CAST: variants seen among roughly 807,000 people sequenced by gnomAD.
The protein encoded by CAST is MIR583 host.
In CAST, 76 loss-of-function variants were observed where a neutral mutation model predicts 119.6. That is an observed-to-expected ratio of 0.64 (90% CI 0.53 to 0.77). CAST has a LOEUF of 0.77. CAST is among the 30% of genes least tolerant of loss of function. The pLI is 0.00. For synonymous variants in CAST, 319 were observed against 331.6 expected (o/e 0.96, Z 0.41); for missense variants, 953 against 946.5 (o/e 1.01, Z -0.09).
intron 1 of CAST, among the ~76,000 whole-genome samples, chr5:96,557,347 T>G (rs958832147): frequency 6.6e-6 from 1 of 151,858 alleles, no homozygotes; most frequent in African/African-American, 2.4e-5. Context: ...AGGACCAAAT[T>G]CACACATAAC....
Position 96,754,758 on chromosome 5 carries a change from CT to C in CAST, c.1710+22del. ...GAGGTCAAGGTAAACAGGCTGGAGT[CT>C]TTTTCTATTTTATTTTAATTCATAC... On this transcript the variant is annotated intron_variant, in intron 22 of 31. Transcript: ENST00000675179. 1 of 1,427,556 alleles carries C rather than the reference CT, an allele frequency of 7.0e-7. No homozygotes were observed. Among genetic ancestry groups the C allele is most frequent in the Non-Finnish European group, 9.8e-7 (1 of 1,015,466 alleles). The allele number at this position is 1,427,556 out of a possible 1,614,324, so 88.4% of individuals were successfully genotyped here. A position where few individuals can be genotyped will look rare whatever the true frequency, so the allele number is the denominator to read the frequency against.
the CAST span, among the ~76,000 whole-genome samples, chr5:96,159,768 T>C: frequency 3.9e-5 from 6 of 152,208 alleles, no homozygotes; most frequent in Non-Finnish European, 8.8e-5. Flanking sequence ...TATTTTTTGC[T>C]TTTTGAATGG....
At chr5:96,759,939 A>G (rs1415345563) in intron 24 of CAST, among the ~76,000 whole-genome samples, 3 of 152,022 alleles carry the variant, frequency 2.0e-5, no homozygotes, top group Admixed American at 6.5e-5. Context: ...ATGTACAACA[A>G]TTTTCTAAGA....
the CAST span, among the ~76,000 whole-genome samples, chr5:95,995,727 G>C: frequency 6.6e-6 from 1 of 152,148 alleles, no homozygotes; most frequent in South Asian, 2.1e-4. Flanking sequence ...AGGGGAGGAG[G>C]CTTTGGAAAT....
the CAST span, among the ~76,000 whole-genome samples, chr5:96,265,972 A>G: frequency 1.3e-5 from 2 of 152,218 alleles, no homozygotes; most frequent in Non-Finnish European, 2.9e-5. Context: ...CACTTAGACT[A>G]ACCTAATACA....
chr5:96,636,571 C>T (rs1580854639), intron 1 of CAST, among the ~76,000 whole-genome samples: 1 of 151,828 alleles, frequency 6.6e-6, no homozygotes, highest in Non-Finnish European at 1.5e-5. Flanking sequence ...TCTTCAGATA[C>T]CCTTAGATTT....
chr5:96,095,149 G>A, the CAST span, among the ~76,000 whole-genome samples: 1 of 152,256 alleles, frequency 6.6e-6, no homozygotes, highest in East Asian at 1.9e-4. Context: ...TGCAAATGCA[G>A]CATTTTGACC....
At chr5:95,990,363 C>T in the CAST span, among the ~76,000 whole-genome samples, 4 of 152,046 alleles carry the variant, frequency 2.6e-5, no homozygotes, top group East Asian at 7.7e-4. Flanking sequence ...GAGGAAGTTT[C>T]CTTATCAATA....
At chr5:95,975,455 C>T in the CAST span, among the ~76,000 whole-genome samples, 1,288 of 152,208 alleles carry the variant, frequency 8.5e-3, 21 homozygotes, top group African/African-American at 0.029. Flanking sequence ...CACCCTGACT[C>T]GTTTCTCAAA....
chr5:95,969,828 G>A, the CAST span, among the ~76,000 whole-genome samples: 1 of 152,200 alleles, frequency 6.6e-6, no homozygotes, highest in Non-Finnish European at 1.5e-5. Flanking sequence ...TTGAAAATGT[G>A]AGTCTTAGGC....
chr5:96,052,811 C>T, the CAST span, among the ~76,000 whole-genome samples: 1 of 152,184 alleles, frequency 6.6e-6, no homozygotes, highest in Non-Finnish European at 1.5e-5. Flanking sequence ...ACTCTCTGAT[C>T]CATTTGGTCA....
chr5:96,206,104 G>A, the CAST span, among the ~76,000 whole-genome samples: 1 of 151,802 alleles, frequency 6.6e-6, no homozygotes, highest in Non-Finnish European at 1.5e-5. Flanking sequence ...TTGTGGCTGT[G>A]TATATATCTT....
chr5:96,675,476 A>T, intron 1 of CAST, 63 bp from the exon 2 acceptor site: 1 of 1,185,952 alleles, frequency 8.4e-7, no homozygotes, highest in Non-Finnish European at 1.3e-6. Flanking sequence ...GCCTTTGGGG[A>T]TTAAAGTTAC....
At chr5:96,632,679 C>CGAAATAGTCGAAATAGTT (rs1747837570) in intron 1 of CAST, among the ~76,000 whole-genome samples, 12 of 78,640 alleles carry the variant, frequency 1.5e-4, no homozygotes, top group African/African-American at 5.5e-4. Context: ...CGCTATTTGT[C>CGAAATAGTCGAAATAGTT]GAAAAGACTA....
chr5:96,349,126 C>T, the CAST span, among the ~76,000 whole-genome samples: 6 of 90,600 alleles, frequency 6.6e-5, no homozygotes, highest in Non-Finnish European at 1.4e-4. Flanking sequence ...TCTTTTCAAC[C>T]AACAAGGACA....
intron 3 of CAST, among the ~76,000 whole-genome samples, chr5:96,721,460 A>G (rs1758247921): frequency 6.6e-6 from 1 of 152,018 alleles, no homozygotes; most frequent in African/African-American, 2.4e-5. Context: ...GGGTGGGGGA[A>G]GGTAAGGGAG....
the CAST span, among the ~76,000 whole-genome samples, chr5:96,169,911 G>A: frequency 6.6e-6 from 1 of 152,180 alleles, no homozygotes; most frequent in African/African-American, 2.4e-5. Flanking sequence ...GCTTAAAAGA[G>A]TATTGTCTAA....
chr5:95,962,458 T>G, the CAST span, among the ~76,000 whole-genome samples: 1 of 152,198 alleles, frequency 6.6e-6, no homozygotes, highest in Non-Finnish European at 1.5e-5. Context: ...AGGAAACTGC[T>G]CACTCTAAAC....
chr5:96,103,879 T>G, the CAST span, among the ~76,000 whole-genome samples: 706 of 151,734 alleles, frequency 4.7e-3, 2 homozygotes, highest in African/African-American at 6.5e-3. Flanking sequence ...CCTGACTTTT[T>G]AATGATTGCC....
Sources: allele counts gnomAD v4.1 joint callset (sites outside exome capture counted in the v4.1 genomes callset), GRCh38; gene constraint gnomAD v4.1.1; transcripts MANE v1.5; gene names NCBI Gene and HGNC (gene_info 2026-07-23, HGNC 2026-07-21).